LYRM4: variants seen among roughly 807,000 people sequenced by gnomAD.
The protein encoded by LYRM4 is LYR motif-containing protein 4.
A neutral mutation model predicts 11.7 loss-of-function variants in LYRM4; 9 were observed. The observed-to-expected ratio is 0.77, with a 90% CI of 0.46 to 1.34. The LOEUF is 1.34. Among genes scored for constraint, LYRM4 ranks in the 40% most tolerant of loss-of-function variants. LYRM4 has a pLI of 0.00. For synonymous variants in LYRM4, 42 were observed against 40.4 expected (o/e 1.04, Z -0.15); for missense variants, 133 against 112.5 (o/e 1.18, Z -0.82).
chr6:5,118,079 A>AATATATATATATATATATATAT (rs113661997), intron 2 of LYRM4, among the ~76,000 whole-genome samples: 18 of 40,360 alleles, frequency 4.5e-4, no homozygotes, highest in African/African-American at 1.1e-3. Flanking sequence ...TCACCAAAAC[A>AATATATATATATATATATATAT]ATATATATAT....
chr6:5,176,904 A>T (rs140388117), intron 2 of LYRM4, among the ~76,000 whole-genome samples: 1 of 152,210 alleles, frequency 6.6e-6, no homozygotes, highest in Non-Finnish European at 1.5e-5. Flanking sequence ...TTCCCATCAC[A>T]TAATTACAAA....
chr6:5,079,339 C>T, the LYRM4 span, among the ~76,000 whole-genome samples: 13 of 152,298 alleles, frequency 8.5e-5, no homozygotes, highest in East Asian at 2.5e-3. Context: ...GCATAGACTT[C>T]CCATCTCTAA....
intron 2 of LYRM4, among the ~76,000 whole-genome samples, chr6:5,117,660 G>A (rs1561807204): frequency 1.3e-5 from 2 of 151,998 alleles, no homozygotes; most frequent in Non-Finnish European, 2.9e-5. Flanking sequence ...GGTGTACTCT[G>A]CTCTATAGCA....
intron 1 of LYRM4, among the ~76,000 whole-genome samples, chr6:5,223,199 T>A (rs1020704542): frequency 6.6e-6 from 1 of 152,238 alleles, no homozygotes; most frequent in Admixed American, 6.5e-5. Context: ...CTCAGATACC[T>A]ATTTTCAAAT....
chr6:5,248,973 T>C (rs895271135), intron 1 of LYRM4, among the ~76,000 whole-genome samples: 4 of 152,242 alleles, frequency 2.6e-5, no homozygotes, highest in African/African-American at 9.6e-5. Flanking sequence ...CAGAGTTCTT[T>C]GGATGACTAA....
the LYRM4 span, chr6:5,032,398 A>C: frequency 6.6e-5 from 10 of 152,332 alleles, no homozygotes; most frequent in South Asian, 2.1e-3. Context: ...AGTTTCATTG[A>C]GGTATAATAA....
chr6:5,260,408 G>A (rs997455274), intron 1 of LYRM4, among the ~76,000 whole-genome samples: 4 of 152,232 alleles, frequency 2.6e-5, no homozygotes, highest in South Asian at 2.1e-4. Context: ...AGCCTTTAGG[G>A]GGAAAACGTC....
At chr6:5,067,607 G>A in the LYRM4 span, among the ~76,000 whole-genome samples, 1 of 152,220 alleles carries the variant, frequency 6.6e-6, no homozygotes, top group East Asian at 1.9e-4. Context: ...CCTCCTGTTG[G>A]TTACATGGGC....
At chr6:5,140,242 C>A (rs1458070889) in intron 2 of LYRM4, among the ~76,000 whole-genome samples, 1 of 151,782 alleles carries the variant, frequency 6.6e-6, no homozygotes, top group Non-Finnish European at 1.5e-5. Flanking sequence ...GAAAAAAAAA[C>A]CTTTCACCAC....
chr6:5,257,709 C>T (rs1764747028), intron 1 of LYRM4, among the ~76,000 whole-genome samples: 1 of 152,170 alleles, frequency 6.6e-6, no homozygotes, highest in South Asian at 2.1e-4. Context: ...TTGCATGCTC[C>T]TTATGAGAAT....
At chr6:5,169,364 G>A (rs142817136) in intron 2 of LYRM4, among the ~76,000 whole-genome samples, 33 of 152,314 alleles carry the variant, frequency 2.2e-4, no homozygotes, top group Non-Finnish European at 3.5e-4. Flanking sequence ...CAAACAAAAT[G>A]CGTGGACAAA....
chr6:5,042,263 T>A, the LYRM4 span, among the ~76,000 whole-genome samples: 1 of 152,208 alleles, frequency 6.6e-6, no homozygotes, highest in African/African-American at 2.4e-5. Flanking sequence ...TAATTTTTTT[T>A]AATTTGGTTG....
At chr6:5,056,314 G>T in the LYRM4 span, among the ~76,000 whole-genome samples, 2 of 152,156 alleles carry the variant, frequency 1.3e-5, no homozygotes, top group Admixed American at 1.3e-4. Context: ...GTTGGAAAAG[G>T]AAAGAGTGTC....
the LYRM4 span, among the ~76,000 whole-genome samples, chr6:5,083,348 T>A: frequency 1.3e-5 from 2 of 152,156 alleles, no homozygotes. Flanking sequence ...GAAATCAGAG[T>A]TGCTGCAGGA....
At chr6:5,225,505 AATCT>A (rs76534905) in intron 1 of LYRM4, among the ~76,000 whole-genome samples, 2,404 of 152,302 alleles carry the variant, frequency 0.016, 30 homozygotes, top group Non-Finnish European at 0.026. Context: ...TTTAAATGAA[AATCT>A]ATCTTAGTGA....
At chr6:5,119,820 A>C (rs200715998) in intron 2 of LYRM4, among the ~76,000 whole-genome samples, 12 of 149,084 alleles carry the variant, frequency 8.0e-5, no homozygotes, top group Admixed American at 2.7e-4. Flanking sequence ...AAAAAAAAAA[A>C]CAACCACAAA....
chr6:5,199,870 G>C (rs1174741296), intron 2 of LYRM4, among the ~76,000 whole-genome samples: 1 of 152,164 alleles, frequency 6.6e-6, no homozygotes, highest in Non-Finnish European at 1.5e-5. Context: ...AGGTCTCCTT[G>C]CTGCCCCCAA....
the LYRM4 span, chr6:5,032,838 ACAGTCACCCCGGC>A: frequency 1.3e-5 from 2 of 152,250 alleles, no homozygotes; most frequent in African/African-American, 4.8e-5. Flanking sequence ...TGCTTTCAGA[ACAGTCACCCCGGC>A]CACTCCCTCC....
At chr6:5,147,418 A>C (rs1412710816) in intron 2 of LYRM4, among the ~76,000 whole-genome samples, 1 of 152,216 alleles carries the variant, frequency 6.6e-6, no homozygotes, top group Non-Finnish European at 1.5e-5. Flanking sequence ...GTAAACAATC[A>C]CTGCAGGATT....
Sources: gnomAD v4.1 joint callset for allele counts (sites outside exome capture counted in the v4.1 genomes callset) on GRCh38, gnomAD v4.1.1 for gene constraint, MANE v1.5 for transcripts, NCBI Gene and HGNC (gene_info 2026-07-23, HGNC 2026-07-21) for gene names.